ABL1: variants seen among roughly 807,000 people sequenced by gnomAD.
ABL1 encodes tyrosine-protein kinase ABL1.
Under a neutral mutation model 94.7 loss-of-function variants are expected in ABL1, and 11 were observed. The ratio of observed to expected loss-of-function variants is 0.12; its 90% confidence interval spans 0.07 to 0.19. The LOEUF (loss-of-function observed/expected upper bound fraction) is 0.19, where lower values mean the gene tolerates loss of function less well. Ranked by LOEUF, ABL1 falls within the 10% of genes least tolerant of loss-of-function variation. ABL1 has a pLI of 1.00. For synonymous variants in ABL1, 656 were observed against 622.4 expected (o/e 1.05, Z -0.80); for missense variants, 1,082 against 1,489.4 (o/e 0.73, Z 4.50).
At chr9:130,836,889 T>C (rs1438907708) in intron 1 of ABL1, among the ~76,000 whole-genome samples, 1 of 152,000 alleles carries the variant, frequency 6.6e-6, no homozygotes, top group Admixed American at 6.6e-5. Flanking sequence ...CAAGTAGGAT[T>C]TCTGCTAGAA....
intron 1 of ABL1, among the ~76,000 whole-genome samples, chr9:130,769,922 T>C (rs1289617273): frequency 6.6e-6 from 1 of 152,208 alleles, no homozygotes; most frequent in Non-Finnish European, 1.5e-5. Flanking sequence ...CAGAATGTCA[T>C]ATCAATGGAA....
chr9:130,801,964 T>A (rs905036594), intron 1 of ABL1, among the ~76,000 whole-genome samples: 2 of 152,206 alleles, frequency 1.3e-5, no homozygotes, highest in African/African-American at 4.8e-5. Flanking sequence ...GGGCAGTTTT[T>A]GGCTCTTGTT....
intron 1 of ABL1, among the ~76,000 whole-genome samples, chr9:130,853,024 C>T (rs1049334621): frequency 6.6e-6 from 1 of 151,996 alleles, no homozygotes; most frequent in African/African-American, 2.4e-5. Flanking sequence ...GCGTCTGTTA[C>T]GGAGAATAGG....
chr9:130,733,420 A>T (rs59610470), intron 1 of ABL1, among the ~76,000 whole-genome samples: 4 of 151,990 alleles, frequency 2.6e-5, no homozygotes, highest in African/African-American at 7.2e-5. Flanking sequence ...TCTCTTGTGG[A>T]TGTGTAAAGT....
In ABL1 at chr9:130,885,155, C is replaced by T. The variant is rs1323163683; in HGVS notation, c.2865C>T (p.Leu955=). The T allele has an allele frequency of 1.2e-6, 2 of 1,613,034 alleles. No homozygotes were observed. The highest frequency in any genetic ancestry group is 1.7e-6 in the Non-Finnish European group (2 of 1,179,932). The change falls in exon 11 of 11, where the codon CTC becomes CTT. Residue 955 remains leucine (L), a synonymous_variant. Coordinates refer to ENST00000318560, the MANE Select transcript of ABL1 (RefSeq NM_005157.6). ...AGCCCAGCCAGCCGGGAGAGGGCCTCAAAAAGCCCGTGCTCCCGGCCACTC... is the reference window on the plus strand; with the variant it reads ...AGCCCAGCCAGCCGGGAGAGGGCCTTAAAAAGCCCGTGCTCCCGGCCACTC... ...AAKPSQPGEG[L]KKPVLPATPK...
rs747525923 is a variant in ABL1 at position 130,885,712 on chromosome 9, G to A, written c.*29G>A. 35 of 1,587,534 alleles carry A rather than the reference G, an allele frequency of 2.2e-5. No individual in the cohort carries two copies. Among genetic ancestry groups the A allele is most frequent in the Middle Eastern group, 1.7e-4 (1 of 5,930 alleles). On this transcript the variant is annotated 3_prime_UTR_variant, in exon 11 of 11. Coordinates refer to ENST00000318560, the MANE Select transcript of ABL1 (RefSeq NM_005157.6). ...CAGTCAGGGGTCAGGTGTCAGGCCC[G>A]TCGGAGCTGCCTGCAGCACATGCGG...
intron 1 of ABL1, among the ~76,000 whole-genome samples, chr9:130,848,587 T>C (rs1830810957): frequency 6.6e-6 from 1 of 151,840 alleles, no homozygotes; most frequent in Non-Finnish European, 1.5e-5. Flanking sequence ...TGTTTTCTAG[T>C]AATAACAACA....
chr9:130,810,659 G>A (rs1039558792), intron 1 of ABL1, among the ~76,000 whole-genome samples: 1 of 151,736 alleles, frequency 6.6e-6, no homozygotes, highest in South Asian at 2.1e-4. Flanking sequence ...CACAACATCA[G>A]TAAAGTGAGG....
rs564553100 is a variant in ABL1, at chr9:130,814,188, G to A, written c.137-39876G>A. ...TGTAATCCCAGCTACTCAGGAGGCT[G>A]AGGCAGGAGAATCGCTTTAACCAGG... On this transcript the variant is annotated intron_variant, in intron 1 of 10. Coordinates refer to the ABL1 transcript ENST00000372348. The surrounding 1 kb of genome is among the most constrained non-coding windows in gnomAD (Gnocchi z 4.4). Among the ~76,000 whole-genome samples the A allele has an allele frequency of 2.0e-5, 3 of 152,264 alleles. No homozygotes were observed. The South Asian group carries it at 6.2e-4, about 32-fold the overall frequency.
rs1280907146 is a variant in ABL1, at chr9:130,835,287, G to C, written c.-160G>C. On this transcript the variant is annotated 5_prime_UTR_variant, in exon 1 of 11. Transcript: ENST00000318560. This position sits in a 1 kb window ranked among gnomAD's most constrained non-coding sequence, Gnocchi z 4.6. ...GCGCGTCCCGGCCAGGCGGAGACGC[G>C]GCCGCGGCCATGGGCGGGCGCGGGC... 3 of 158,182 alleles carry C rather than the reference G, an allele frequency of 1.9e-5. No individual in the cohort carries two copies. In the Admixed American group the frequency reaches 2.0e-4, roughly 11 times the overall value. The allele number at this position is 158,182 out of a possible 1,614,324, so 9.8% of individuals were successfully genotyped here. A position where few individuals can be genotyped will look rare whatever the true frequency, so the allele number is the denominator to read the frequency against.
At chr9:130,773,628 C>CTTTTTT (rs57265547) in intron 1 of ABL1, among the ~76,000 whole-genome samples, 1 of 108,994 alleles carries the variant, frequency 9.2e-6, no homozygotes, top group Admixed American at 9.7e-5. Flanking sequence ...CTGGCTAACT[C>CTTTTTT]TTTTTTTTTT....
chr9:130,721,689 G>A (rs776762773), intron 1 of ABL1, among the ~76,000 whole-genome samples: 5 of 152,094 alleles, frequency 3.3e-5, no homozygotes, highest in Non-Finnish European at 7.3e-5. Flanking sequence ...CAATCTGGGT[G>A]ACAGAGTGAG....
At chr9:130,801,227 C>A (rs755078592) in intron 1 of ABL1, among the ~76,000 whole-genome samples, 56 of 151,922 alleles carry the variant, frequency 3.7e-4, no homozygotes, top group Middle Eastern at 3.4e-3. Context: ...CAGTGCCCGG[C>A]CCTTTTTCCT....
intron 1 of ABL1, among the ~76,000 whole-genome samples, chr9:130,799,208 G>A (rs1247234100): frequency 6.6e-6 from 1 of 152,148 alleles, no homozygotes; most frequent in East Asian, 1.9e-4. Flanking sequence ...GCCTCTTGGA[G>A]GTGTTTGCAC....
At chr9:130,858,057 T>C (rs1053143639) in intron 3 of ABL1, among the ~76,000 whole-genome samples, 2 of 151,970 alleles carry the variant, frequency 1.3e-5, no homozygotes, top group Admixed American at 6.6e-5. Context: ...TTCCCATGTG[T>C]GCTATTTATC....
At position 130,880,341 on chromosome 9, in the gene ABL1, A is replaced by C. The variant is rs1831429826; in HGVS notation, c.1514-159A>C. Among the ~76,000 whole-genome samples, 1 of 152,208 alleles carries C rather than the reference A, an allele frequency of 6.6e-6. No homozygotes were observed. The highest frequency in any genetic ancestry group is 1.9e-4 in the East Asian group (1 of 5,198). ...TCTGCTGCAGCCCTGCAGAGTTCTAAGAAATGCTAAGGGCTGTTTCTCCGG... is the reference window on the plus strand; with the variant it reads ...TCTGCTGCAGCCCTGCAGAGTTCTACGAAATGCTAAGGGCTGTTTCTCCGG... On this transcript the variant is annotated intron_variant, in intron 9 of 10. Coordinates refer to ENST00000318560, the MANE Select transcript of ABL1 (RefSeq NM_005157.6). The surrounding 1 kb of genome is among the most constrained non-coding windows in gnomAD (Gnocchi z 4.4).
upstream of ABL1, among the ~76,000 whole-genome samples, chr9:130,833,250 G>T (rs867640799): frequency 3.3e-5 from 5 of 152,082 alleles, no homozygotes; most frequent in African/African-American, 1.2e-4. Context: ...TTTGAATATG[G>T]CCCTTTAATA....
At chr9:130,834,763 T>A, upstream of ABL1, 2 of 426,438 alleles carry the variant, frequency 4.7e-6, no homozygotes, top group South Asian at 3.3e-5. Context: ...GTGCCAGCTC[T>A]GACTTCCTCC....
chr9:130,826,475 A>G (rs1041040062), intron 1 of ABL1, among the ~76,000 whole-genome samples: 1 of 152,158 alleles, frequency 6.6e-6, no homozygotes, highest in Non-Finnish European at 1.5e-5. Context: ...AAGGAGCCCA[A>G]AGGAGACAGT....
Sources: gnomAD v4.1 joint callset for allele counts (sites outside exome capture counted in the v4.1 genomes callset) on GRCh38, gnomAD v4.1.1 for gene constraint, Gnocchi (gnomAD v3.1) non-coding constraint, MANE v1.5 for transcripts, NCBI Gene and HGNC (gene_info 2026-07-23, HGNC 2026-07-21) for gene names.